The following RBFOX3 variants were observed in gnomAD, a reference collection of about 807,000 sequenced individuals.
The protein encoded by RBFOX3 is RNA binding fox-1 homolog 3.
In RBFOX3, 17 loss-of-function variants were observed where a neutral mutation model predicts 48.7. The observed-to-expected ratio is 0.35, with a 90% CI of 0.24 to 0.52. RBFOX3 has a LOEUF of 0.52. Among genes scored for constraint, RBFOX3 ranks in the 20% least tolerant of loss-of-function variants. RBFOX3 has a pLI of 0.94. For synonymous variants in RBFOX3, 212 were observed against 209.5 expected, an observed-to-expected ratio of 1.01 and a Z score of -0.10; for missense variants, 382 against 497.5, an observed-to-expected ratio of 0.77 and a Z score of 2.21.
Position 79,385,160 on chromosome 17 carries a change from G to A in RBFOX3, c.-174-77336C>T, listed in dbSNP as rs1230289935. 2.0e-5 allele frequency among the ~76,000 whole-genome samples: 3 copies of A among 152,292 alleles called. No individual in the cohort carries two copies. The East Asian group carries it at 5.8e-4, about 29-fold the overall frequency. On this transcript the variant is annotated intron_variant, in intron 2 of 14. Coordinates refer to ENST00000693108, the MANE Select transcript of RBFOX3 (RefSeq NM_001350451.2). Reference sequence around the variant, plus strand: ...TGTCCCAAAACACCTAACGTGCATGGGAAATAACTGGGAAGGGCAGAGACG... The same window carrying A: ...TGTCCCAAAACACCTAACGTGCATGAGAAATAACTGGGAAGGGCAGAGACG...
At chr17:79,295,051 C>T (rs965888863) in intron 3 of RBFOX3, among the ~76,000 whole-genome samples, 1 of 152,096 alleles carries the variant, frequency 6.6e-6, no homozygotes, top group African/African-American at 2.4e-5. Flanking sequence ...CGCTTGAAGT[C>T]TAGCTTGCCT....
rs2078896398 is a variant in RBFOX3 at position 79,482,350 on chromosome 17, C to T, written c.-175+104G>A. Reference sequence around the variant, plus strand: ...TAGAGAGCAGCACAGAACGCCCCTACCCCACAACCCTTGCTGGAAAATCAA... The same window carrying T: ...TAGAGAGCAGCACAGAACGCCCCTATCCCACAACCCTTGCTGGAAAATCAA... On this transcript the variant is annotated intron_variant, in intron 2 of 14. Transcript: ENST00000693108. This position sits in a 1 kb window ranked among gnomAD's most constrained non-coding sequence, Gnocchi z 4.1. 6.6e-6 allele frequency: 1 copy of T among 152,238 alleles called. No individual in the cohort carries two copies. The highest frequency in any genetic ancestry group is 2.1e-4 in the South Asian group (1 of 4,826). 9.4% of individuals were successfully genotyped at this position (152,238 alleles called of 1,614,324 possible). A position where few individuals can be genotyped will look rare whatever the true frequency, so the allele number is the denominator to read the frequency against.
chr17:79,606,800 C>A (rs2093841438), intron 1 of RBFOX3, among the ~76,000 whole-genome samples: 1 of 152,138 alleles, frequency 6.6e-6, no homozygotes, highest in Non-Finnish European at 1.5e-5. Flanking sequence ...CAACTGTTAA[C>A]CAAGAGCCGT....
chr17:79,187,684 A>G (rs1228972671), intron 4 of RBFOX3, among the ~76,000 whole-genome samples: 2 of 152,138 alleles, frequency 1.3e-5, no homozygotes, highest in Non-Finnish European at 2.9e-5. Context: ...GACCAGCTGG[A>G]GTCCTGTATC....
chr17:79,123,190 T>C lies in RBFOX3; in HGVS notation c.-33-7442A>G, dbSNP rs188848336. ...AGTCAATAATAACTTAATTGTACAC[T>C]TAAAAATCACTGAAAGAGCATATTT... On this transcript the variant is annotated intron_variant, in intron 4 of 14. Coordinates refer to ENST00000693108, the MANE Select transcript of RBFOX3 (RefSeq NM_001350451.2). Among the ~76,000 whole-genome samples, 647 of 152,272 alleles carry C rather than the reference T, an allele frequency of 4.2e-3. 6 individuals carry two copies. The highest frequency in any genetic ancestry group is 0.015 in the African/African-American group (616 of 41,544).
chr17:79,211,598 T>C (rs1450097875), intron 4 of RBFOX3, among the ~76,000 whole-genome samples: 5 of 152,168 alleles, frequency 3.3e-5, no homozygotes, highest in Non-Finnish European at 7.4e-5. Flanking sequence ...ACTCATCCCC[T>C]GCGGATGCCT....
chr17:79,251,362 C>T (rs1394901177), intron 3 of RBFOX3, among the ~76,000 whole-genome samples: 1 of 152,206 alleles, frequency 6.6e-6, no homozygotes, highest in Non-Finnish European at 1.5e-5. Flanking sequence ...TCCTCTACCG[C>T]TGCCCCTCCC....
intron 2 of RBFOX3, among the ~76,000 whole-genome samples, chr17:79,376,339 T>C (rs56888432): frequency 0.37 from 56,194 of 151,834 alleles, 12,094 homozygotes; most frequent in East Asian, 0.64. Flanking sequence ...GCCTTCCCAG[T>C]CATGGGTCAC....
intron 1 of RBFOX3, among the ~76,000 whole-genome samples, chr17:79,545,461 C>T (rs1555791623): frequency 6.6e-6 from 1 of 152,208 alleles, no homozygotes; most frequent in Non-Finnish European, 1.5e-5. Flanking sequence ...CTGCCCTTGC[C>T]CCTGCCTGGC....
intron 2 of RBFOX3, among the ~76,000 whole-genome samples, chr17:79,369,318 G>GC (rs1158960618): frequency 6.6e-6 from 1 of 151,842 alleles, no homozygotes; most frequent in Non-Finnish European, 1.5e-5. Context: ...ACCACAGTCT[G>GC]CCCCCACTCC....
At chr17:79,613,263 C>G (rs1256319180), upstream of RBFOX3, among the ~76,000 whole-genome samples, 1 of 152,202 alleles carries the variant, frequency 6.6e-6, no homozygotes, top group Non-Finnish European at 1.5e-5. Flanking sequence ...GGGTGGTAAA[C>G]TGAAATTGGC....
intron 2 of RBFOX3, among the ~76,000 whole-genome samples, chr17:79,381,832 A>G (rs906304611): frequency 4.6e-5 from 7 of 152,136 alleles, no homozygotes; most frequent in African/African-American, 1.7e-4. Context: ...CCTGGACTTG[A>G]GAGCCCCAGG....
chr17:79,173,784 G>A (rs1397881554), intron 4 of RBFOX3, among the ~76,000 whole-genome samples: 2 of 152,134 alleles, frequency 1.3e-5, no homozygotes, highest in Admixed American at 1.3e-4. Context: ...GTCTTGCCAT[G>A]CAGCTGGAGA....
rs544659051 is a variant in RBFOX3, at chr17:79,144,257, G to A, written c.-33-28509C>T. ...TGGGCCTGCTCTCGAGGCAGGATCC[G>A]TGAGGCCTGAAGAATTGTCCCGCTC... is the stretch of plus-strand genomic sequence containing the variant. On this transcript the variant is annotated intron_variant, in intron 4 of 14. Transcript: ENST00000693108. Among the ~76,000 whole-genome samples, 6 of 152,372 alleles carry A rather than the reference G, an allele frequency of 3.9e-5. No homozygotes were observed. The South Asian group carries it at 8.3e-4, about 21-fold the overall frequency.
At chr17:79,512,991 G>A (rs1354825053) in intron 1 of RBFOX3, among the ~76,000 whole-genome samples, 81 of 139,582 alleles carry the variant, frequency 5.8e-4, no homozygotes, top group African/African-American at 2.3e-3. Context: ...GTTACCATCG[G>A]GTACAGCCCC....
intron 4 of RBFOX3, among the ~76,000 whole-genome samples, chr17:79,192,473 G>A (rs981730698): frequency 6.6e-5 from 10 of 152,194 alleles, no homozygotes; most frequent in East Asian, 1.9e-4. Flanking sequence ...AGCCAGCCCC[G>A]CAATAGATCA....
the RBFOX3 span, among the ~76,000 whole-genome samples, chr17:79,645,751 CAGA>C: frequency 2.6e-5 from 4 of 152,318 alleles, no homozygotes; most frequent in South Asian, 2.1e-4. Context: ...CTGGCCAGGG[CAGA>C]AGGAGTGAAG....
intron 2 of RBFOX3, among the ~76,000 whole-genome samples, chr17:79,329,047 C>A (rs2079791892): frequency 6.6e-6 from 1 of 152,074 alleles, no homozygotes; most frequent in South Asian, 2.1e-4. Flanking sequence ...CCCACGTGGC[C>A]AGGAGGGACA....
intron 2 of RBFOX3, among the ~76,000 whole-genome samples, chr17:79,427,675 G>A (rs1227302577): frequency 6.6e-6 from 1 of 152,228 alleles, no homozygotes; most frequent in African/African-American, 2.4e-5. Flanking sequence ...GGATCCTGTT[G>A]GGGAAACATC....
Sources: allele counts gnomAD v4.1 joint callset (sites outside exome capture counted in the v4.1 genomes callset), GRCh38; gene constraint gnomAD v4.1.1; non-coding constraint Gnocchi (gnomAD v3.1); transcripts MANE v1.5; gene names NCBI Gene and HGNC (gene_info 2026-07-23, HGNC 2026-07-21).